C4orf50: variants seen among roughly 807,000 people sequenced by gnomAD.
C4orf50 encodes the protein uncharacterized protein C4orf50.
In C4orf50, 80 loss-of-function variants were observed where a neutral mutation model predicts 77.2. The observed-to-expected ratio is 1.04, with a 90% CI of 0.87 to 1.25. The LOEUF (loss-of-function observed/expected upper bound fraction) is 1.25. Ranked by LOEUF, C4orf50 falls within the 50% of genes most tolerant of loss-of-function variation. The pLI is 0.00. For missense variants in C4orf50, 1,257 were observed against 1,152.9 expected (o/e 1.09, Z -1.31); for synonymous variants, 532 against 465.3 (o/e 1.14, Z -1.84).
In C4orf50 at chr4:5,998,932, C is replaced by T. The variant is rs539978885; in HGVS notation, c.964-4456G>A. On this transcript the variant is annotated intron_variant, in intron 25 of 33. Transcript: ENST00000531445. ...TGAGCAGAAACCCTGTCCCCAAACT[C>T]CTCCCCACATCAGGGTTTGTCCTTG... 5.9e-5 allele frequency among the ~76,000 whole-genome samples: 9 copies of T among 152,358 alleles called. No individual in the cohort carries two copies. The South Asian group carries it at 1.5e-3, about 25-fold the overall frequency.
Position 5,919,006 on chromosome 4 carries a change from C to A in C4orf50, c.*2475-20818G>T, listed in dbSNP as rs559018279. ...CTCTGCACAGATGGGGAAACTGAGA[C>A]CCGGAGGAGTCAAAGGGCTTGCCCA... On this transcript the variant is annotated intron_variant, in intron 7 of 7. Transcript: ENST00000324058. This position sits in a 1 kb window ranked among gnomAD's most constrained non-coding sequence, Gnocchi z 6.5. Among the ~76,000 whole-genome samples, 1 of 152,226 alleles carries A rather than the reference C, an allele frequency of 6.6e-6. No individual in the cohort carries two copies. Among genetic ancestry groups the A allele is most frequent in the Non-Finnish European group, 1.5e-5 (1 of 68,004 alleles).
At chr4:5,910,907 C>CTTTTTTT (rs33913636) in intron 7 of C4orf50, among the ~76,000 whole-genome samples, 79 of 106,552 alleles carry the variant, frequency 7.4e-4, no homozygotes, top group South Asian at 1.0e-3. Flanking sequence ...CCCTTTCTTT[C>CTTTTTTT]TTTTTTTTTT....
chr4:6,011,200 T>G lies in C4orf50; in HGVS notation c.426+630A>C, dbSNP rs1722480368. On this transcript the variant is annotated intron_variant, in intron 24 of 33. Coordinates refer to ENST00000531445, the Ensembl canonical transcript of C4orf50. This position sits in a 1 kb window ranked among gnomAD's most constrained non-coding sequence, Gnocchi z 4.2. ...CTGAGGCTTCCCTACTTAAGTCCCC[T>G]AAAGCTTGTTCCCCATTGTATTCAG... is the stretch of plus-strand genomic sequence containing the variant. Among the ~76,000 whole-genome samples the G allele has an allele frequency of 6.6e-6, 1 of 152,186 alleles. No homozygotes were observed. Among genetic ancestry groups the G allele is most frequent in the African/African-American group, 2.4e-5 (1 of 41,452 alleles).
At chr4:6,004,027 G>GATAGTGATGATGGTGA (rs1722024386) in intron 25 of C4orf50, among the ~76,000 whole-genome samples, 9 of 30,768 alleles carry the variant, frequency 2.9e-4, no homozygotes, top group Non-Finnish European at 5.3e-4. Flanking sequence ...TGGTGATAAT[G>GATAGTGATGATGGTGA]TGATAGTGAT....
intron 25 of C4orf50, among the ~76,000 whole-genome samples, chr4:6,001,297 A>T (rs1218703658): frequency 4.6e-5 from 7 of 152,136 alleles, no homozygotes. Flanking sequence ...TTACAGGCGC[A>T]TGCCACCATG....
intron 7 of C4orf50, among the ~76,000 whole-genome samples, chr4:5,917,014 T>C (rs975999364): frequency 6.6e-6 from 1 of 152,170 alleles, no homozygotes; most frequent in Non-Finnish European, 1.5e-5. Context: ...TAGCCAAACC[T>C]AAGTAAAGAT....
At position 5,912,255 on chromosome 4, in the gene C4orf50, TCG is replaced by T. The variant is rs771232253; in HGVS notation, c.*2475-14069_*2475-14068del. Among the ~76,000 whole-genome samples, 311 of 88,642 alleles carry T rather than the reference TCG, an allele frequency of 3.5e-3. 1 individual carries two copies. The highest frequency in any genetic ancestry group is 0.013 in the African/African-American group (297 of 23,186). The allele number at this position is 88,642 out of a possible 152,430, so 58.2% of individuals were successfully genotyped here. ...AGCCAGCTCCAGTCTAGCACTCCAC[TCG>T]TGTGTGTGTGTGTGTGTGTGTGTGT... On this transcript the variant is annotated intron_variant, in intron 7 of 7. Transcript: ENST00000324058.
At chr4:5,963,462 T>C (rs192881514) in intron 33 of C4orf50, among the ~76,000 whole-genome samples, 1 of 152,320 alleles carries the variant, frequency 6.6e-6, no homozygotes, top group Admixed American at 6.5e-5. Context: ...ACAATAGCTA[T>C]CTTTTTTTTA....
downstream of C4orf50, among the ~76,000 whole-genome samples, chr4:5,953,565 A>G (rs142267181): frequency 2.3e-3 from 355 of 152,320 alleles, 2 homozygotes; most frequent in Non-Finnish European, 3.0e-3. Context: ...TAATCCTGCC[A>G]GTGAGCAGAG....
intron 7 of C4orf50, among the ~76,000 whole-genome samples, chr4:5,931,685 A>AC (rs1225964484): frequency 6.6e-6 from 1 of 151,716 alleles, no homozygotes; most frequent in East Asian, 1.9e-4. Context: ...GGCCCACTCC[A>AC]CCCTCTCTGC....
chr4:5,973,554 G>A (rs1720055186), intron 31 of C4orf50, 105 bp downstream of exon 9: 3 of 950,716 alleles, frequency 3.2e-6, no homozygotes, highest in Admixed American at 4.3e-5. Flanking sequence ...TCCGCGGTGG[G>A]AGGGAGGGAG....
rs1345250790 is a variant in C4orf50 at position 5,970,319 on chromosome 4, C to T, written c.4105-2857G>A. Among the ~76,000 whole-genome samples the T allele has an allele frequency of 2.6e-5, 4 of 152,106 alleles. No homozygotes were observed. Among genetic ancestry groups the T allele is most frequent in the Non-Finnish European group, 5.9e-5 (4 of 68,030 alleles). ...TCCGAGAACAGCCTTCCCTGAGGGA[C>T]CATCTCCAGCTAACATCAGGGAGGC... On this transcript the variant is annotated intron_variant, in intron 31 of 33. Transcript: ENST00000531445. This position sits in a 1 kb window ranked among gnomAD's most constrained non-coding sequence, Gnocchi z 4.3.
At chr4:5,954,533 A>G (rs1718866304), downstream of C4orf50, among the ~76,000 whole-genome samples, 1 of 151,790 alleles carries the variant, frequency 6.6e-6, no homozygotes, top group African/African-American at 2.4e-5. This position sits in a 1 kb window ranked among gnomAD's most constrained non-coding sequence, Gnocchi z 4.7. Context: ...AGGATGGGGG[A>G]GGGGGGTCAG....
rs564818833 is a variant in C4orf50 at position 5,929,730 on chromosome 4, C to A, written c.*2474+27171G>T. On this transcript the variant is annotated intron_variant, in intron 7 of 7. Transcript: ENST00000324058. ...CTCTGTGAGCGCTAGCCCTAAAAGG[C>A]ACTTGTGAAATTCCCCATCTGTGTG... Among the ~76,000 whole-genome samples, 112 of 152,346 alleles carry A rather than the reference C, an allele frequency of 7.4e-4. 1 individual carries two copies. The highest frequency in any genetic ancestry group is 2.5e-3 in the African/African-American group (106 of 41,578).
chr4:5,930,357 C>G (rs1400606879), intron 7 of C4orf50, among the ~76,000 whole-genome samples: 1 of 152,164 alleles, frequency 6.6e-6, no homozygotes, highest in Admixed American at 6.5e-5. Context: ...AGGGATTAAC[C>G]CTGACTTCCG....
In C4orf50 at chr4:6,009,538, C is replaced by T. The variant is rs955243507; in HGVS notation, c.427-1006G>A. On this transcript the variant is annotated intron_variant, in intron 24 of 33. Transcript: ENST00000531445. This position sits in a 1 kb window ranked among gnomAD's most constrained non-coding sequence, Gnocchi z 5.6. ...ACAATTCTCCTGGTCTTCCTGAAGG[C>T]GTGTATTCTGTAATGATCTTTGCAT... is the stretch of plus-strand genomic sequence containing the variant. Among the ~76,000 whole-genome samples the T allele has an allele frequency of 1.3e-5, 2 of 152,090 alleles. No individual in the cohort carries two copies. Among genetic ancestry groups the T allele is most frequent in the South Asian group, 2.1e-4 (1 of 4,818 alleles).
In C4orf50 at chr4:6,017,805, C is replaced by G. The variant is rs1722735635; in HGVS notation, c.287+340G>C. The stretch of plus-strand genomic sequence containing the variant: ...CTCAGTTCCTTCTACACTTCCCTGT[C>G]ACTTTGAACATAGGGCCCTTTCATG... On this transcript the variant is annotated intron_variant, in intron 23 of 33. Coordinates refer to ENST00000531445, the Ensembl canonical transcript of C4orf50. This position sits in a 1 kb window ranked among gnomAD's most constrained non-coding sequence, Gnocchi z 4.7. 2.0e-5 allele frequency among the ~76,000 whole-genome samples: 3 copies of G among 152,192 alleles called. No homozygotes were observed. The highest frequency in any genetic ancestry group is 2.0e-4 in the Admixed American group (3 of 15,280).
rs1719453077 is a variant in C4orf50, at chr4:5,964,623, C to A, written c.4275+401G>T. Among the ~76,000 whole-genome samples the A allele has an allele frequency of 2.0e-5, 3 of 152,006 alleles. No individual in the cohort carries two copies. In the South Asian group the frequency reaches 6.3e-4, roughly 32 times the overall value. On this transcript the variant is annotated intron_variant, in intron 33 of 33. Coordinates refer to ENST00000531445, the Ensembl canonical transcript of C4orf50. Reference sequence around the variant, plus strand: ...TCTCTACTAAAAATACAAAAATTAGCCGGGCATGGTGGTGGGCGCCTGTAA... The same window carrying A: ...TCTCTACTAAAAATACAAAAATTAGACGGGCATGGTGGTGGGCGCCTGTAA...
chr4:5,945,742 C>A (rs1718451968), intron 7 of C4orf50, among the ~76,000 whole-genome samples: 1 of 152,188 alleles, frequency 6.6e-6, no homozygotes, highest in Non-Finnish European at 1.5e-5. Flanking sequence ...AGGAAACCTG[C>A]ATTTTTCTTG....
Sources: allele counts gnomAD v4.1 joint callset (sites outside exome capture counted in the v4.1 genomes callset), GRCh38; gene constraint gnomAD v4.1.1; non-coding constraint Gnocchi (gnomAD v3.1); transcripts MANE v1.5; gene names NCBI Gene and HGNC (gene_info 2026-07-23, HGNC 2026-07-21).